Variants in ARHGEF4 observed in about 807,000 individuals in gnomAD.
ARHGEF4 encodes Rho guanine nucleotide exchange factor 4.
Under a neutral mutation model 162.0 loss-of-function variants are expected in ARHGEF4, and 119 were observed. That is an observed-to-expected ratio of 0.73 (90% CI 0.63 to 0.86). ARHGEF4 has a LOEUF of 0.86. Ranked by LOEUF, ARHGEF4 falls within the 40% of genes least tolerant of loss-of-function variation. ARHGEF4 has a pLI of 0.00. For synonymous variants in ARHGEF4, 1,014 were observed against 979.9 expected (o/e 1.03, Z -0.65); for missense variants, 2,488 against 2,456.0 (o/e 1.01, Z -0.28).
intron 1 of ARHGEF4, among the ~76,000 whole-genome samples, chr2:130,887,273 A>T (rs4850259): frequency 0.22 from 33,721 of 151,446 alleles, 4,901 homozygotes; most frequent in African/African-American, 0.37. Flanking sequence ...CAAGGCTACA[A>T]TGAGCCATGA....
chr2:130,959,746 C>T (rs1684523380), intron 4 of ARHGEF4, among the ~76,000 whole-genome samples: 1 of 152,144 alleles, frequency 6.6e-6, no homozygotes, highest in Non-Finnish European at 1.5e-5. Flanking sequence ...TGCCCAAGGT[C>T]ACAACTAGGA....
chr2:131,039,030 C>G lies in ARHGEF4; in HGVS notation c.4303C>G (p.Arg1435Gly), dbSNP rs1268968363. 6.2e-7 allele frequency: 1 copy of G among 1,610,094 alleles called. No individual in the cohort carries two copies. Among genetic ancestry groups the G allele is most frequent in the Admixed American group, 1.7e-5 (1 of 59,760 alleles). The change falls in exon 6 of 14, where the codon CGG becomes GGG. Residue 1435 changes from arginine to glycine, a missense_variant and splice_region_variant. Around this residue, in one of 6 missense-constraint regions of ARHGEF4, gnomAD observed 174 missense variants for 148.3 expected, o/e 1.17. Coordinates refer to ENST00000409359, the MANE Select transcript of ARHGEF4 (RefSeq NM_001367493.1). ...GGGCTGGTTTCCAGCCAGCTTCGTTCGGGTATGGTTCCAAGCCCCAGCTTC... is the reference window on the plus strand; with the variant it reads ...GGGCTGGTTTCCAGCCAGCTTCGTTGGGGTATGGTTCCAAGCCCCAGCTTC... ...GEGWFPASFV[R>G]LRVNQDEPAD...
At chr2:131,017,716 A>G (rs917560577) in intron 4 of ARHGEF4, among the ~76,000 whole-genome samples, 37 of 152,210 alleles carry the variant, frequency 2.4e-4, no homozygotes, top group African/African-American at 8.2e-4. Context: ...TAAGACATAT[A>G]CTATGCTATT....
chr2:130,879,499 T>C (rs1559016213), intron 1 of ARHGEF4, among the ~76,000 whole-genome samples: 1 of 152,172 alleles, frequency 6.6e-6, no homozygotes. Flanking sequence ...ATATCATTAT[T>C]AACTATAGTC....
intron 12 of ARHGEF4, among the ~76,000 whole-genome samples, chr2:131,045,111 G>A (rs1691131793): frequency 6.6e-6 from 1 of 152,230 alleles, no homozygotes; most frequent in Non-Finnish European, 1.5e-5. Flanking sequence ...GTGAAGGTGA[G>A]AGATGGGTGG....
At chr2:130,917,644 C>T in intron 2 of ARHGEF4, 146 bp downstream of exon 2, 2 of 1,045,228 alleles carry the variant, frequency 1.9e-6, no homozygotes, top group South Asian at 3.5e-5. Context: ...GCCCCCCCTC[C>T]CCCAGTGAAC....
At chr2:130,898,650 T>G (rs999382439) in intron 1 of ARHGEF4, among the ~76,000 whole-genome samples, 14 of 152,094 alleles carry the variant, frequency 9.2e-5, no homozygotes, top group Non-Finnish European at 1.6e-4. Flanking sequence ...CAGACACACA[T>G]TCAGGGTCCT....
intron 1 of ARHGEF4, 137 bp from the exon 2 acceptor site, chr2:130,913,847 CCT>C: frequency 9.9e-7 from 1 of 1,015,136 alleles, no homozygotes; most frequent in Non-Finnish European, 1.4e-6. Context: ...TTCATACTTA[CCT>C]CCCTTCCTAG....
chr2:130,982,758 C>T (rs978835228), intron 4 of ARHGEF4, among the ~76,000 whole-genome samples: 1 of 152,190 alleles, frequency 6.6e-6, no homozygotes, highest in Non-Finnish European at 1.5e-5. Context: ...ACATCTCTCT[C>T]CCTTACTTAC....
chr2:131,036,320 C>T (rs73960395), intron 5 of ARHGEF4, among the ~76,000 whole-genome samples: 26,240 of 152,244 alleles, frequency 0.17, 3,427 homozygotes, highest in African/African-American at 0.36. Flanking sequence ...GAGTACCTCC[C>T]GAGTGGGAGG....
At position 130,870,797 on chromosome 2, in the gene ARHGEF4, C is replaced by T. The variant is rs113162103; in HGVS notation, c.39+33805C>T. On this transcript the variant is annotated intron_variant, in intron 1 of 13. Transcript: ENST00000409359. ...TCACCCAGCGAGACATGGGGGTTGG[C>T]GGTGGTGGCAGAGAAGGGAAAGCAG... Among the ~76,000 whole-genome samples the T allele has an allele frequency of 8.9e-3, 1,354 of 152,032 alleles. 19 individuals carry two copies. The highest frequency in any genetic ancestry group is 0.012 in the Non-Finnish European group (811 of 67,970).
intron 4 of ARHGEF4, among the ~76,000 whole-genome samples, chr2:130,975,747 A>G (rs79954150): frequency 0.03 from 4,576 of 152,270 alleles, 180 homozygotes; most frequent in African/African-American, 0.095. Context: ...CTTACCACAC[A>G]TGACTAAAAC....
chr2:130,855,753 G>A (rs76251242), intron 1 of ARHGEF4, among the ~76,000 whole-genome samples: 2,798 of 152,278 alleles, frequency 0.018, 83 homozygotes, highest in African/African-American at 0.064. Flanking sequence ...TCTATGAAAT[G>A]TGCAGTTTGA....
At chr2:130,895,830 T>G (rs1165408421) in intron 1 of ARHGEF4, among the ~76,000 whole-genome samples, 1 of 152,174 alleles carries the variant, frequency 6.6e-6, no homozygotes, top group East Asian at 1.9e-4. Context: ...GGAAGAGCCT[T>G]TAATTTGTAT....
chr2:130,861,167 TAAAC>T (rs1340162449), intron 1 of ARHGEF4, among the ~76,000 whole-genome samples: 12 of 36,786 alleles, frequency 3.3e-4, no homozygotes, highest in Non-Finnish European at 4.3e-4. Flanking sequence ...CCATACCAAT[TAAAC>T]AACCCAAACT....
At chr2:130,964,754 C>T (rs1283358150) in intron 4 of ARHGEF4, among the ~76,000 whole-genome samples, 1 of 152,194 alleles carries the variant, frequency 6.6e-6, no homozygotes, top group African/African-American at 2.4e-5. Context: ...CAGCTCCCAG[C>T]GGAGGCAGCT....
At chr2:131,012,537 A>G (rs1573608724) in intron 4 of ARHGEF4, among the ~76,000 whole-genome samples, 1 of 146,556 alleles carries the variant, frequency 6.8e-6, no homozygotes, top group East Asian at 2.1e-4. Context: ...CTAGAGCAAG[A>G]ACCAAGGCAT....
chr2:130,887,280 A>G (rs2104977377), intron 1 of ARHGEF4, among the ~76,000 whole-genome samples: 1 of 151,856 alleles, frequency 6.6e-6, no homozygotes, highest in South Asian at 2.1e-4. Context: ...ACAATGAGCC[A>G]TGATCATGCC....
chr2:130,856,468 C>G (rs1157608489), intron 1 of ARHGEF4, among the ~76,000 whole-genome samples: 1 of 152,144 alleles, frequency 6.6e-6, no homozygotes, highest in South Asian at 2.1e-4. Flanking sequence ...GCAGATTTGC[C>G]TTGCAAGAAA....
Sources: gnomAD v4.1 joint callset for allele counts (sites outside exome capture counted in the v4.1 genomes callset) on GRCh38, gnomAD v4.1.1 for gene constraint, gnomAD v4.1.1 regional missense constraint, MANE v1.5 for transcripts, NCBI Gene and HGNC (gene_info 2026-07-23, HGNC 2026-07-21) for gene names.